RFX2: variants seen among roughly 807,000 people sequenced by gnomAD.
RFX2 encodes DNA-binding protein RFX2.
A neutral mutation model predicts 87.8 loss-of-function variants in RFX2; 20 were observed. That is an observed-to-expected ratio of 0.23 (90% CI 0.16 to 0.33). The LOEUF (loss-of-function observed/expected upper bound fraction) is 0.33. Ranked by LOEUF, RFX2 falls within the 10% of genes least tolerant of loss-of-function variation. The pLI is 1.00. For synonymous variants in RFX2, 397 were observed against 431.3 expected (o/e 0.92, Z 0.98); for missense variants, 767 against 1,012.3 (o/e 0.76, Z 3.29).
At chr19:6,079,055 C>T (rs1261417337) in intron 1 of RFX2, among the ~76,000 whole-genome samples, 1 of 152,230 alleles carries the variant, frequency 6.6e-6, no homozygotes, top group Non-Finnish European at 1.5e-5. Context: ...GAATTATAGG[C>T]GTGAGCCACG....
At position 6,050,163 on chromosome 19, in the gene RFX2, G is replaced by A. The variant is rs924433104; in HGVS notation, c.-8-2659C>T. On this transcript the variant is annotated intron_variant, in intron 1 of 17. Coordinates refer to ENST00000303657, the MANE Select transcript of RFX2 (RefSeq NM_000635.4). This position sits in a 1 kb window ranked among gnomAD's most constrained non-coding sequence, Gnocchi z 4.6. ...TGCAAAGATAAAAAAATTAAGTGAA[G>A]ATTTCAGCTGCTGCCTGTTGCAGGA... Among the ~76,000 whole-genome samples the A allele has an allele frequency of 1.3e-5, 2 of 152,166 alleles. No individual in the cohort carries two copies. Among genetic ancestry groups the A allele is most frequent in the Non-Finnish European group, 2.9e-5 (2 of 68,036 alleles).
rs369163952 is a variant in RFX2, at chr19:6,044,044, A to G, written c.180+149T>C. On this transcript the variant is annotated intron_variant, in intron 3 of 17. Coordinates refer to ENST00000303657, the MANE Select transcript of RFX2 (RefSeq NM_000635.4). This position sits in a 1 kb window ranked among gnomAD's most constrained non-coding sequence, Gnocchi z 5.3. ...GTAAATGATTTTTTTAAAATTGCAC[A>G]GCTTCTGGAAAAGTCTTTTGGCTAA... The G allele has an allele frequency of 2.4e-6, 1 of 424,010 alleles. No homozygotes were observed. The highest frequency in any genetic ancestry group is 3.7e-5 in the East Asian group (1 of 26,962). The allele number at this position is 424,010 out of a possible 1,614,324, so 26.3% of individuals were successfully genotyped here.
At position 6,060,266 on chromosome 19, in the gene RFX2, T is replaced by C. The variant is rs1170383923; in HGVS notation, c.-8-12762A>G. On this transcript the variant is annotated intron_variant, in intron 1 of 17. Coordinates refer to ENST00000303657, the MANE Select transcript of RFX2 (RefSeq NM_000635.4). ...ACTCCCATTTTCCCATTATCTATGA[T>C]GGCTTTTGTGCTCCAACAGCAGAGG... is the stretch of plus-strand genomic sequence containing the variant. 2.0e-5 allele frequency among the ~76,000 whole-genome samples: 3 copies of C among 152,200 alleles called. No homozygotes were observed. In the South Asian group the frequency reaches 6.2e-4, roughly 31 times the overall value.
chr19:6,011,477 G>A lies in RFX2; in HGVS notation c.900-1226C>T, dbSNP rs892128250. On this transcript the variant is annotated intron_variant, in intron 8 of 17. Coordinates refer to ENST00000303657, the MANE Select transcript of RFX2 (RefSeq NM_000635.4). The surrounding 1 kb of genome is among the most constrained non-coding windows in gnomAD (Gnocchi z 4.8). ...TAAACCACCTGGCTCAGGGCAGGCCGTGGGCATCACACAGACACAGGCTCA... is the reference window on the plus strand; with the variant it reads ...TAAACCACCTGGCTCAGGGCAGGCCATGGGCATCACACAGACACAGGCTCA... Among the ~76,000 whole-genome samples the A allele has an allele frequency of 2.6e-5, 4 of 152,216 alleles. No homozygotes were observed. The highest frequency in any genetic ancestry group is 4.4e-5 in the Non-Finnish European group (3 of 68,034).
Position 6,004,194 on chromosome 19 carries a change from G to C in RFX2, c.1500+7C>G. 6.2e-7 allele frequency: 1 copy of C among 1,612,022 alleles called. No homozygotes were observed. Among genetic ancestry groups the C allele is most frequent in the Non-Finnish European group, 8.5e-7 (1 of 1,178,146 alleles). On this transcript the variant is annotated splice_region_variant and intron_variant, in intron 13 of 17. Coordinates refer to ENST00000303657, the MANE Select transcript of RFX2 (RefSeq NM_000635.4). The surrounding 1 kb of genome is among the most constrained non-coding windows in gnomAD (Gnocchi z 4.8). The stretch of plus-strand genomic sequence containing the variant: ...GTTGGGGAGCCCAGGCCCCACCCCG[G>C]ACGCACCTTGGTCTGGATGACCTGT...
rs755050717 is a variant in RFX2, at chr19:6,002,691, G to A, written c.1650+30C>T. 13 of 1,608,550 alleles carry A rather than the reference G, an allele frequency of 8.1e-6. No individual in the cohort carries two copies. Among genetic ancestry groups the A allele is most frequent in the Admixed American group, 3.3e-5 (2 of 59,872 alleles). Reference sequence around the variant, plus strand: ...GGTTTTGCTGGAGGGCGGGAAGCCCGGGCCCTGGGGACGGTGTGGAGGAAG... The same window carrying A: ...GGTTTTGCTGGAGGGCGGGAAGCCCAGGCCCTGGGGACGGTGTGGAGGAAG... On this transcript the variant is annotated intron_variant, in intron 14 of 17. Transcript: ENST00000303657. This position sits in a 1 kb window ranked among gnomAD's most constrained non-coding sequence, Gnocchi z 6.7.
At position 6,101,617 on chromosome 19, in the gene RFX2, T is replaced by C. The variant is rs1599935112; in HGVS notation, c.-9+8776A>G. 6.6e-6 allele frequency among the ~76,000 whole-genome samples: 1 copy of C among 152,218 alleles called. No homozygotes were observed. Among genetic ancestry groups the C allele is most frequent in the East Asian group, 1.9e-4 (1 of 5,206 alleles). ...CTTTAGGAATGGACTTCTATATCATTGGTATAATTTCAACAGTTTTCCAGG... is the reference window on the plus strand; with the variant it reads ...CTTTAGGAATGGACTTCTATATCATCGGTATAATTTCAACAGTTTTCCAGG... On this transcript the variant is annotated intron_variant, in intron 1 of 17. Coordinates refer to ENST00000303657, the MANE Select transcript of RFX2 (RefSeq NM_000635.4). This position sits in a 1 kb window ranked among gnomAD's most constrained non-coding sequence, Gnocchi z 4.9.
chr19:6,008,056 G>T, intron 10 of RFX2, 50 bp downstream of exon 10: 1 of 1,386,452 alleles, frequency 7.2e-7, no homozygotes, highest in Non-Finnish European at 1.0e-6. Context: ...AGCGCTGGCG[G>T]TTCCCGGGAG....
chr19:6,025,191 G>C (rs555404001), intron 6 of RFX2, among the ~76,000 whole-genome samples: 160 of 152,222 alleles, frequency 1.1e-3, no homozygotes, highest in African/African-American at 3.7e-3. Flanking sequence ...TGAGTCTGAG[G>C]GGGCCAGAGC....
At chr19:6,014,672 G>A (rs2086701719) in intron 7 of RFX2, among the ~76,000 whole-genome samples, 2 of 152,152 alleles carry the variant, frequency 1.3e-5, no homozygotes, top group South Asian at 4.1e-4. Flanking sequence ...CCAGCAGCTG[G>A]GATACTCTGC....
chr19:5,994,970 G>A lies in RFX2; in HGVS notation c.2057-20C>T, dbSNP rs1283296194. 6.3e-7 allele frequency: 1 copy of A among 1,578,218 alleles called. No individual in the cohort carries two copies. Among genetic ancestry groups the A allele is most frequent in the Non-Finnish European group, 8.6e-7 (1 of 1,157,456 alleles). On this transcript the variant is annotated intron_variant, in intron 17 of 17. Coordinates refer to ENST00000303657, the MANE Select transcript of RFX2 (RefSeq NM_000635.4). Reference sequence around the variant, plus strand: ...TGTCATCTGCGGAGGGAGGGGTAGGGTCAGTGTCCATCATCAGGAGGGCAC... The same window carrying A: ...TGTCATCTGCGGAGGGAGGGGTAGGATCAGTGTCCATCATCAGGAGGGCAC...
At chr19:6,009,245 C>A (rs2086628858) in intron 9 of RFX2, among the ~76,000 whole-genome samples, 2 of 151,946 alleles carry the variant, frequency 1.3e-5, no homozygotes. Flanking sequence ...TGTTTGGGCT[C>A]AAAAAAGATC....
At chr19:6,078,713 T>C (rs2087731677) in intron 1 of RFX2, among the ~76,000 whole-genome samples, 1 of 152,246 alleles carries the variant, frequency 6.6e-6, no homozygotes, top group Admixed American at 6.5e-5. Context: ...AGAGAAATTT[T>C]CATTTCTGAA....
At chr19:6,088,373 C>T (rs945711774) in intron 1 of RFX2, among the ~76,000 whole-genome samples, 27 of 152,034 alleles carry the variant, frequency 1.8e-4, no homozygotes, top group African/African-American at 5.5e-4. Flanking sequence ...CACCATGCCC[C>T]GCTAATTCTG....
chr19:6,078,866 C>T (rs1179526074), intron 1 of RFX2, among the ~76,000 whole-genome samples: 1 of 152,230 alleles, frequency 6.6e-6, no homozygotes, highest in Non-Finnish European at 1.5e-5. Context: ...ACCTCCACCT[C>T]CCGGGTTCAA....
intron 1 of RFX2, among the ~76,000 whole-genome samples, chr19:6,100,225 G>A (rs1191514830): frequency 6.6e-6 from 1 of 152,200 alleles, no homozygotes; most frequent in Non-Finnish European, 1.5e-5. Context: ...GTGAAAGGGA[G>A]GCAACGAAAA....
chr19:6,043,318 C>G (rs2087138543), intron 3 of RFX2, among the ~76,000 whole-genome samples: 1 of 152,228 alleles, frequency 6.6e-6, no homozygotes, highest in Non-Finnish European at 1.5e-5. Context: ...GGAGCCTTTT[C>G]CTTCCTGTGA....
chr19:6,016,913 A>G lies in RFX2; in HGVS notation c.598-642T>C, dbSNP rs1243680345. On this transcript the variant is annotated intron_variant, in intron 6 of 17. Transcript: ENST00000303657. The surrounding 1 kb of genome is among the most constrained non-coding windows in gnomAD (Gnocchi z 5.4). ...GGCTTTAACACCAAATCGCTCCCCAACATACAGGAATGGAGAGAAATTCTG... is the reference window on the plus strand; with the variant it reads ...GGCTTTAACACCAAATCGCTCCCCAGCATACAGGAATGGAGAGAAATTCTG... 6.6e-6 allele frequency among the ~76,000 whole-genome samples: 1 copy of G among 152,178 alleles called. No homozygotes were observed. The highest frequency in any genetic ancestry group is 1.5e-5 in the Non-Finnish European group (1 of 68,044).
In RFX2 at chr19:6,016,212, A is replaced by G. The variant is rs2086724259; in HGVS notation, c.657T>C (p.Ser219=). 2 of 1,613,894 alleles carry G rather than the reference A, an allele frequency of 1.2e-6. No homozygotes were observed. The highest frequency in any genetic ancestry group is 1.7e-6 in the Non-Finnish European group (2 of 1,179,924). The change falls in exon 7 of 18, where the codon TCT becomes TCC. Residue 219 remains serine, a synonymous_variant. Coordinates refer to ENST00000303657, the MANE Select transcript of RFX2 (RefSeq NM_000635.4). This position sits in a 1 kb window ranked among gnomAD's most constrained non-coding sequence, Gnocchi z 5.4. ...TAEGVSLPRS[S]LYNHYLRHCQ... Reference sequence around the variant, plus strand: ...AGTGCCGAAGGTAGTGGTTGTAAAGAGAACTTCTGGGGAGACTCACACCTT... The same window carrying G: ...AGTGCCGAAGGTAGTGGTTGTAAAGGGAACTTCTGGGGAGACTCACACCTT...
Sources: allele counts gnomAD v4.1 joint callset (sites outside exome capture counted in the v4.1 genomes callset), GRCh38; gene constraint gnomAD v4.1.1; non-coding constraint Gnocchi (gnomAD v3.1); transcripts MANE v1.5; gene names NCBI Gene and HGNC (gene_info 2026-07-23, HGNC 2026-07-21).